The following LOC128125822 variants were observed in gnomAD, a reference collection of about 807,000 sequenced individuals.
the LOC128125822 span, chr6:63,582,417 T>C: frequency 6.6e-6 from 1 of 152,662 alleles, no homozygotes; most frequent in Non-Finnish European, 1.5e-5. Flanking sequence ...TAATTTACTT[T>C]ATAAACCTTA....
chr6:63,579,834 CTG>C, the LOC128125822 span, among the ~76,000 whole-genome samples: 3 of 152,260 alleles, frequency 2.0e-5, no homozygotes, highest in Admixed American at 6.5e-5. Flanking sequence ...TGTGAGTCGA[CTG>C]TTGTAACCAA....
the LOC128125822 span, chr6:63,580,255 T>C: frequency 8.7e-7 from 1 of 1,153,062 alleles, no homozygotes. Context: ...CATGTTGGCT[T>C]AGTAAGTCTA....
At chr6:63,578,551 T>C in the LOC128125822 span, 171 of 1,603,790 alleles carry the variant, frequency 1.1e-4, no homozygotes, top group East Asian at 2.4e-3. Flanking sequence ...ACAGTTCTTA[T>C]GGGTTTATGG....
the LOC128125822 span, among the ~76,000 whole-genome samples, chr6:63,575,583 C>T: frequency 2.0e-5 from 3 of 152,170 alleles, no homozygotes; most frequent in Non-Finnish European, 4.4e-5. Flanking sequence ...CTTCCACCTT[C>T]AACATCCCTT....
chr6:63,572,551 T>G, the LOC128125822 span: 1 of 403,574 alleles, frequency 2.5e-6, no homozygotes, highest in Non-Finnish European at 4.3e-6. Context: ...AGCCGCTCAC[T>G]GCATGGTAGA....
chr6:63,578,810 T>A, the LOC128125822 span: 1 of 1,292,034 alleles, frequency 7.7e-7, no homozygotes, highest in Admixed American at 2.9e-5. Flanking sequence ...AGAATGCTTT[T>A]GAAAACATTT....
At chr6:63,580,179 GGGGTGCCTAATGCTAC>G in the LOC128125822 span, 1 of 1,595,534 alleles carries the variant, frequency 6.3e-7, no homozygotes, top group Non-Finnish European at 8.6e-7. Flanking sequence ...CAATAAAATT[GGGGTGCCTAATGCTAC>G]TGGAAGTGGA....
the LOC128125822 span, among the ~76,000 whole-genome samples, chr6:63,575,347 C>A: frequency 6.6e-6 from 1 of 152,114 alleles, no homozygotes; most frequent in African/African-American, 2.4e-5. Context: ...CCTCTTTACT[C>A]CCGAGTACAC....
chr6:63,576,741 T>A, the LOC128125822 span: 3 of 666,638 alleles, frequency 4.5e-6, no homozygotes, highest in South Asian at 6.0e-5. Flanking sequence ...CACTTATCAT[T>A]ACTTACAACT....
the LOC128125822 span, chr6:63,580,220 C>G: frequency 7.0e-7 from 1 of 1,421,640 alleles, no homozygotes; most frequent in Non-Finnish European, 9.9e-7. Flanking sequence ...GAGATAGGGC[C>G]TAATTTGTTA....
chr6:63,578,976 C>T, the LOC128125822 span: 16 of 1,607,728 alleles, frequency 1.0e-5, no homozygotes, highest in African/African-American at 2.7e-5. Flanking sequence ...AATTAAGTTT[C>T]GTGAAGAACC....
chr6:63,579,868 A>G, the LOC128125822 span, among the ~76,000 whole-genome samples: 2 of 152,202 alleles, frequency 1.3e-5, no homozygotes, highest in Non-Finnish European at 2.9e-5. Flanking sequence ...AGATATAAAG[A>G]AAATTAACTT....
the LOC128125822 span, among the ~76,000 whole-genome samples, chr6:63,577,374 T>C: frequency 1.3e-5 from 2 of 152,196 alleles, no homozygotes; most frequent in African/African-American, 2.4e-5. Flanking sequence ...AATCCAATTT[T>C]CAACTACAAA....
the LOC128125822 span, chr6:63,581,173 A>G: frequency 6.6e-6 from 1 of 152,576 alleles, no homozygotes; most frequent in Non-Finnish European, 1.5e-5. Flanking sequence ...CTCTCTTGCA[A>G]AAAAAGAAAT....
the LOC128125822 span, among the ~76,000 whole-genome samples, chr6:63,577,993 AAATCAGTAAAGT>A: frequency 6.6e-6 from 1 of 151,614 alleles, no homozygotes; most frequent in African/African-American, 2.4e-5. Flanking sequence ...CATTCAATGT[AAATCAGTAAAGT>A]TTAAGGAGTG....
the LOC128125822 span, chr6:63,579,938 A>C: frequency 6.7e-5 from 49 of 726,608 alleles, no homozygotes; most frequent in South Asian, 7.9e-4. Flanking sequence ...GCATCAGGTC[A>C]CAGCCTAATT....
the LOC128125822 span, among the ~76,000 whole-genome samples, chr6:63,574,877 G>A: frequency 3.9e-5 from 6 of 152,278 alleles, no homozygotes; most frequent in South Asian, 1.0e-3. Flanking sequence ...TAACTGTGAT[G>A]GCTTTGTAAT....
At chr6:63,579,093 A>G in the LOC128125822 span, 4 of 1,449,098 alleles carry the variant, frequency 2.8e-6, no homozygotes, top group Non-Finnish European at 3.7e-6. Flanking sequence ...CAGAAACTTG[A>G]AAAATTCTTA....
At chr6:63,578,493 C>T in the LOC128125822 span, 9 of 1,612,108 alleles carry the variant, frequency 5.6e-6, no homozygotes, top group Non-Finnish European at 7.6e-6. Flanking sequence ...CAACTTATGA[C>T]ACTACTCTTG....
Sources: gnomAD v4.1 joint callset for allele counts (sites outside exome capture counted in the v4.1 genomes callset) on GRCh38, gnomAD v4.1.1 for gene constraint, MANE v1.5 for transcripts.